ORC4: variants seen among roughly 807,000 people sequenced by gnomAD.
ORC4 encodes the protein origin recognition complex subunit 4, also known as origin recognition complex, subunit 4 homolog.
Under a neutral mutation model 63.9 loss-of-function variants are expected in ORC4, and 55 were observed. The ratio of observed to expected loss-of-function variants is 0.86; its 90% CI spans 0.69 to 1.08. The LOEUF (loss-of-function observed/expected upper bound fraction) is 1.08, where lower values mean the gene tolerates loss of function less well. ORC4 is among the 50% of genes least tolerant of loss of function. The pLI, the probability that ORC4 is intolerant of heterozygous loss-of-function variation, is 0.00. For synonymous variants in ORC4, 150 were observed against 168.5 expected (o/e 0.89, Z 0.85); for missense variants, 511 against 504.4 (o/e 1.01, Z -0.13).
At chr2:147,962,363 C>T (rs1253126654) in intron 4 of ORC4, among the ~76,000 whole-genome samples, 1 of 152,156 alleles carries the variant, frequency 6.6e-6, no homozygotes, top group Non-Finnish European at 1.5e-5. Flanking sequence ...CAACCCTCAC[C>T]CACCTGTAGG....
At position 147,930,777 on chromosome 2, in the gene ORC4, T is replaced by A. The variant is rs1573724721; in HGVS notation, c.*4733A>T. 1 of 152,520 alleles carries A rather than the reference T, an allele frequency of 6.6e-6. No homozygotes were observed. Among genetic ancestry groups the A allele is most frequent in the South Asian group, 2.1e-4 (1 of 4,826 alleles). 9.4% of individuals were successfully genotyped at this position (152,520 alleles called of 1,614,324 possible). On this transcript the variant is annotated 3_prime_UTR_variant, in exon 14 of 14. Coordinates refer to ENST00000392857, the MANE Select transcript of ORC4 (RefSeq NM_181741.4). The stretch of plus-strand genomic sequence containing the variant: ...TTAAATATTGTACAAATAAAATGTA[T>A]GCTATCCCCATTCCATCCCCAAGTT...
chr2:147,985,973 C>A (rs891943710), intron 1 of ORC4, among the ~76,000 whole-genome samples: 1 of 152,092 alleles, frequency 6.6e-6, no homozygotes, highest in Non-Finnish European at 1.5e-5. Flanking sequence ...CTGGGCTTTT[C>A]TTTAGGAGAC....
chr2:147,938,687 T>C (rs1688196837), intron 11 of ORC4: 1 of 372,364 alleles, frequency 2.7e-6, no homozygotes, highest in Admixed American at 4.3e-5. Context: ...GTAAACAAAA[T>C]AAACTTCAAT....
intron 4 of ORC4, among the ~76,000 whole-genome samples, chr2:147,959,660 A>T (rs184438574): frequency 1.3e-5 from 2 of 152,290 alleles, no homozygotes; most frequent in Admixed American, 6.5e-5. Context: ...AAAAGAAAAA[A>T]GCAAATATGA....
At chr2:147,970,611 T>G (rs1207151105) in intron 4 of ORC4, among the ~76,000 whole-genome samples, 2 of 137,120 alleles carry the variant, frequency 1.5e-5, no homozygotes, top group East Asian at 4.7e-4. Context: ...TGGGCATTCA[T>G]TTGCAAAAAA....
intron 1 of ORC4, among the ~76,000 whole-genome samples, chr2:147,995,655 G>A (rs760809947): frequency 5.9e-5 from 9 of 151,312 alleles, no homozygotes; most frequent in Admixed American, 6.6e-5. Context: ...AACTCCAGAC[G>A]CGCCACCTTT....
intron 10 of ORC4, among the ~76,000 whole-genome samples, chr2:147,940,519 T>C (rs1018601524): frequency 3.9e-5 from 6 of 152,118 alleles, no homozygotes; most frequent in African/African-American, 9.7e-5. Flanking sequence ...TGCAAAATCG[T>C]AGAACCAACC....
At chr2:148,015,313 T>C (rs1025880402) in intron 1 of ORC4, among the ~76,000 whole-genome samples, 3 of 139,212 alleles carry the variant, frequency 2.2e-5, no homozygotes, top group Non-Finnish European at 4.7e-5. Flanking sequence ...TGGAATTTTT[T>C]TTTTTTTTTT....
chr2:147,997,540 C>T (rs1692043593), intron 1 of ORC4, among the ~76,000 whole-genome samples: 1 of 152,020 alleles, frequency 6.6e-6, no homozygotes, highest in Non-Finnish European at 1.5e-5. Flanking sequence ...CAATATAAAG[C>T]AAACAAACAT....
intron 4 of ORC4, among the ~76,000 whole-genome samples, chr2:147,972,299 C>A (rs1690260937): frequency 6.6e-6 from 1 of 152,030 alleles, no homozygotes. Flanking sequence ...AAAAAGAATG[C>A]ATGATATGAT....
intron 1 of ORC4, among the ~76,000 whole-genome samples, chr2:147,976,445 T>C (rs1690562580): frequency 6.6e-6 from 1 of 152,224 alleles, no homozygotes; most frequent in Non-Finnish European, 1.5e-5. Context: ...ATTCACTTTA[T>C]TGTGATATTT....
At position 147,939,218 on chromosome 2, in the gene ORC4, G is replaced by A. The variant is rs1341871992; in HGVS notation, c.880C>T (p.His294Tyr). ...MLALNRVTAS[H>Y]PFMTAVDLME... is the part of the protein sequence containing the mutation. ...AGATCTACGGCAGTCATAAATGGGT[G>A]CGATGCTGTTACTCGATTTAAAGCA... The change falls in exon 11 of 14, where the codon CAC (histidine) becomes TAC (tyrosine). Residue 294 changes from histidine to tyrosine, a missense_variant. By Grantham distance (83) the His-to-Tyr change is moderately conservative. Transcript: ENST00000392857. 38 of 1,612,460 alleles carry A rather than the reference G, an allele frequency of 2.4e-5. No individual in the cohort carries two copies. Among genetic ancestry groups the A allele is most frequent in the Non-Finnish European group, 3.1e-5 (36 of 1,178,768 alleles).
chr2:148,008,364 C>T (rs1692748878), intron 1 of ORC4, among the ~76,000 whole-genome samples: 2 of 152,166 alleles, frequency 1.3e-5, no homozygotes, highest in South Asian at 4.1e-4. Context: ...TTTAGAAAAT[C>T]AAGCAAAACA....
chr2:148,016,322 C>G (rs1217264884), intron 1 of ORC4, among the ~76,000 whole-genome samples: 1 of 152,184 alleles, frequency 6.6e-6, no homozygotes, highest in African/African-American at 2.4e-5. Context: ...TAACTGTTTG[C>G]TGGTCTGCTG....
intron 1 of ORC4, among the ~76,000 whole-genome samples, chr2:147,989,515 G>A (rs1691443960): frequency 6.6e-6 from 1 of 152,134 alleles, no homozygotes; most frequent in South Asian, 2.1e-4. Context: ...AGACGAGCCT[G>A]GCCAACATGG....
chr2:147,939,452 G>C (rs1688244905), intron 10 of ORC4, among the ~76,000 whole-genome samples: 1 of 152,088 alleles, frequency 6.6e-6, no homozygotes, highest in Non-Finnish European at 1.5e-5. Flanking sequence ...CATAAAAAAA[G>C]TTCCTGCTGC....
chr2:147,994,378 C>T (rs1337383699), intron 1 of ORC4, among the ~76,000 whole-genome samples: 1 of 152,048 alleles, frequency 6.6e-6, no homozygotes, highest in East Asian at 1.9e-4. Context: ...ACAGAAAGAC[C>T]CAGGAGAACC....
chr2:148,005,149 A>G (rs1348313480), intron 1 of ORC4, among the ~76,000 whole-genome samples: 1 of 152,240 alleles, frequency 6.6e-6, no homozygotes, highest in Non-Finnish European at 1.5e-5. Flanking sequence ...AAGACTTGGA[A>G]CCAATCCAAA....
At chr2:148,021,342 C>T (rs1693706624), upstream of ORC4, 1 of 400,192 alleles carries the variant, frequency 2.5e-6, no homozygotes. Context: ...CCATCCACGA[C>T]TCCTACCCCC....
Sources: allele counts gnomAD v4.1 joint callset (sites outside exome capture counted in the v4.1 genomes callset), GRCh38; gene constraint gnomAD v4.1.1; transcripts MANE v1.5; gene names NCBI Gene and HGNC (gene_info 2026-07-23, HGNC 2026-07-21).